Variants in DGKG observed in about 807,000 individuals in gnomAD.
DGKG encodes DAG kinase gamma.
DGKG carries 78 observed loss-of-function variants against 105.3 expected under a neutral mutation model. The observed-to-expected ratio is 0.74, with a 90% CI of 0.62 to 0.89. The LOEUF is 0.89. Ranked by LOEUF, DGKG falls within the 40% of genes least tolerant of loss-of-function variation. DGKG has a pLI of 0.00. For missense variants in DGKG, 958 were observed against 1,020.1 expected (o/e 0.94, Z 0.83); for synonymous variants, 346 against 367.1 (o/e 0.94, Z 0.66).
At chr3:186,158,424 G>A (rs965702180) in intron 24 of DGKG, 22 of 981,266 alleles carry the variant, frequency 2.2e-5, no homozygotes, top group Non-Finnish European at 2.3e-5. Context: ...ATCTCTTGTT[G>A]TTTAGGAGAA....
At chr3:186,344,937 C>T (rs1242110369) in intron 1 of DGKG, among the ~76,000 whole-genome samples, 1 of 151,970 alleles carries the variant, frequency 6.6e-6, no homozygotes, top group Non-Finnish European at 1.5e-5. Context: ...ATAATTTTTT[C>T]AGTAGTATTC....
chr3:186,222,469 G>T lies in DGKG; in HGVS notation c.1827-10584C>A, dbSNP rs149122475. Among the ~76,000 whole-genome samples, 529 of 152,328 alleles carry T rather than the reference G, an allele frequency of 3.5e-3. 4 individuals carry two copies. The highest frequency in any genetic ancestry group is 0.012 in the African/African-American group (485 of 41,572). ...CATGTGACCTTGGGCAAATCATTTA[G>T]TCTGTCTCTTAGTTTCTCTATTTTT... On this transcript the variant is annotated intron_variant, in intron 20 of 24. Transcript: ENST00000265022.
chr3:186,177,762 G>T (rs976190442), intron 22 of DGKG, among the ~76,000 whole-genome samples: 17 of 152,176 alleles, frequency 1.1e-4, no homozygotes, highest in African/African-American at 4.1e-4. Flanking sequence ...GAGCTTCAGT[G>T]TCCTGAGACA....
At position 186,242,585 on chromosome 3, in the gene DGKG, C is replaced by G. The variant is rs202135902; in HGVS notation, c.1762-17G>C. 12 of 1,611,150 alleles carry G rather than the reference C, an allele frequency of 7.4e-6. No homozygotes were observed. Among genetic ancestry groups the G allele is most frequent in the African/African-American group, 6.7e-5 (5 of 75,010 alleles). On this transcript the variant is annotated splice_polypyrimidine_tract_variant and intron_variant, in intron 19 of 24. Coordinates refer to ENST00000265022, the MANE Select transcript of DGKG (RefSeq NM_001346.3). The stretch of plus-strand genomic sequence containing the variant: ...GGAAGCGTCCTGAAAGTGAAAGAGA[C>G]AAAGCAGATCCTTGGTGAGTGGTCA...
At chr3:186,303,168 C>G (rs1346834088) in intron 3 of DGKG, among the ~76,000 whole-genome samples, 1 of 152,172 alleles carries the variant, frequency 6.6e-6, no homozygotes, top group Non-Finnish European at 1.5e-5. Flanking sequence ...GCCACACTCT[C>G]AAGGTGATAT....
intron 2 of DGKG, among the ~76,000 whole-genome samples, chr3:186,308,840 G>A (rs1724381200): frequency 6.6e-6 from 1 of 152,150 alleles, no homozygotes; most frequent in South Asian, 2.1e-4. Flanking sequence ...AATAACTGTG[G>A]TACTAATAGC....
rs578219529 is a variant in DGKG at position 186,242,157 on chromosome 3, G to A, written c.1826+347C>T. ...AGAATCATGAGGGGCTGGGGTTGGA[G>A]GCGCTGTACTTGGAAGCAGCAGAGA... On this transcript the variant is annotated intron_variant, in intron 20 of 24. Coordinates refer to ENST00000265022, the MANE Select transcript of DGKG (RefSeq NM_001346.3). Among the ~76,000 whole-genome samples the A allele has an allele frequency of 1.0e-3, 152 of 152,294 alleles. No homozygotes were observed. The Middle Eastern group carries it at 0.014, about 14-fold the overall frequency.
chr3:186,205,665 G>A (rs1399475268), intron 21 of DGKG, among the ~76,000 whole-genome samples: 1 of 151,944 alleles, frequency 6.6e-6, no homozygotes, highest in African/African-American at 2.4e-5. Flanking sequence ...GGCTGAGATT[G>A]CACCACCGCA....
chr3:186,254,524 G>A (rs370711590), intron 17 of DGKG, among the ~76,000 whole-genome samples: 2 of 152,010 alleles, frequency 1.3e-5, no homozygotes, highest in African/African-American at 2.4e-5. Context: ...TCCCCACCTC[G>A]GCAGGTCAAC....
At chr3:186,338,198 A>G (rs1026961069) in intron 1 of DGKG, among the ~76,000 whole-genome samples, 5 of 151,520 alleles carry the variant, frequency 3.3e-5, no homozygotes, top group African/African-American at 7.3e-5. Flanking sequence ...AGAAAGAAGG[A>G]AAAGTAGAAT....
intron 24 of DGKG, chr3:186,161,204 T>G: frequency 1.0e-6 from 1 of 989,530 alleles, no homozygotes; most frequent in Non-Finnish European, 1.2e-6. Context: ...AGATTTGGCT[T>G]CCACGTAAGG....
chr3:186,296,678 C>CCT (rs897962459), intron 5 of DGKG, among the ~76,000 whole-genome samples: 2 of 152,188 alleles, frequency 1.3e-5, no homozygotes, highest in African/African-American at 2.4e-5. Context: ...ACCACTGTGT[C>CCT]CTCTCTCTCT....
intron 6 of DGKG, among the ~76,000 whole-genome samples, chr3:186,288,170 G>A (rs1002174209): frequency 2.0e-5 from 3 of 152,038 alleles, no homozygotes; most frequent in Middle Eastern, 3.2e-3. Flanking sequence ...TAATTAACTG[G>A]CCCCCTCGTT....
At chr3:186,177,630 A>G (rs1042364878) in intron 22 of DGKG, among the ~76,000 whole-genome samples, 3 of 152,272 alleles carry the variant, frequency 2.0e-5, no homozygotes, top group African/African-American at 4.8e-5. Flanking sequence ...GGCCTGGACC[A>G]TATTGTTTTC....
intron 16 of DGKG, 145 bp downstream of exon 16, chr3:186,260,294 G>T: frequency 1.5e-6 from 1 of 657,238 alleles, no homozygotes; most frequent in Non-Finnish European, 2.7e-6. Flanking sequence ...AGAGTCAGAC[G>T]TGAGAAAAAG....
intron 22 of DGKG, among the ~76,000 whole-genome samples, chr3:186,167,760 TTCAC>T (rs56211107): frequency 0.37 from 56,210 of 150,548 alleles, 11,110 homozygotes; most frequent in Non-Finnish European, 0.46. Flanking sequence ...AAAACAGGAA[TTCAC>T]TCACTCACTC....
In DGKG at chr3:186,148,077, G is replaced by A. The variant is rs1311998160; in HGVS notation, c.*2013C>T. The stretch of plus-strand genomic sequence containing the variant: ...AGCTCCTGTCCAATGCAAGATTAGA[G>A]GCAGCTCAGTGGAACGATATCAAGT... On this transcript the variant is annotated 3_prime_UTR_variant, in exon 25 of 25. Transcript: ENST00000265022. 3.0e-6 allele frequency: 3 copies of A among 985,322 alleles called. No individual in the cohort carries two copies. The Admixed American group carries it at 1.8e-4, about 61-fold the overall frequency. The allele number at this position is 985,322 out of a possible 1,614,324, so 61.0% of individuals were successfully genotyped here. A position where few individuals can be genotyped will look rare whatever the true frequency, so the allele number is the denominator to read the frequency against.
rs759534564 is a variant in DGKG, at chr3:186,275,633, G to A, written c.824C>T (p.Thr275Ile). ...GSKGDGRHAWTMKHFKKPTYC... is the reference protein window; with the variant it reads ...GSKGDGRHAWIMKHFKKPTYC... ...GGTTGGTTTCTTGAAGTGCTTCATGGTCCAGGCGTGCCGCCCATCCCCCTT... is the reference window on the plus strand; with the variant it reads ...GGTTGGTTTCTTGAAGTGCTTCATGATCCAGGCGTGCCGCCCATCCCCCTT... The change falls in exon 10 of 25, where the codon ACC becomes ATC. Residue 275 changes from threonine to isoleucine, a missense_variant. This residue lies in a region of DGKG where 643 missense variants were observed against 619.5 expected (regional missense o/e 1.04). Transcript: ENST00000265022. The A allele has an allele frequency of 3.5e-5, 57 of 1,613,976 alleles. No individual in the cohort carries two copies. The highest frequency in any genetic ancestry group is 7.6e-6 in the Non-Finnish European group (9 of 1,180,032).
intron 18 of DGKG, 140 bp from the exon 19 acceptor site, chr3:186,252,059 T>TA: frequency 1.4e-6 from 1 of 729,992 alleles, no homozygotes; most frequent in African/African-American, 1.8e-5. Context: ...TAGAGACACT[T>TA]ACGTTCCCCG....
Sources: allele counts gnomAD v4.1 joint callset (sites outside exome capture counted in the v4.1 genomes callset), GRCh38; gene constraint gnomAD v4.1.1; regional missense constraint gnomAD v4.1.1; transcripts MANE v1.5; gene names NCBI Gene and HGNC (gene_info 2026-07-23, HGNC 2026-07-21).